CHCHD6: variants seen among roughly 807,000 people sequenced by gnomAD.
CHCHD6 encodes the protein coiled-coil-helix-coiled-coil-helix domain containing 6.
In CHCHD6, 28 loss-of-function variants were observed where a neutral mutation model predicts 32.3. The ratio of observed to expected loss-of-function variants is 0.87; its 90% CI spans 0.64 to 1.19. The LOEUF is 1.19. Among genes scored for constraint, CHCHD6 ranks in the 50% most tolerant of loss-of-function variants. CHCHD6 has a pLI of 0.00. For missense variants in CHCHD6, 333 were observed against 307.0 expected (o/e 1.08, Z -0.63); for synonymous variants, 122 against 117.5 (o/e 1.04, Z -0.25).
chr3:126,764,354 TG>T (rs1466640781), intron 4 of CHCHD6, among the ~76,000 whole-genome samples: 1 of 152,096 alleles, frequency 6.6e-6, no homozygotes, highest in Non-Finnish European at 1.5e-5. Flanking sequence ...ACCAGTCAGA[TG>T]CCCACGGGGT....
intron 4 of CHCHD6, among the ~76,000 whole-genome samples, chr3:126,775,194 G>C (rs1937614249): frequency 6.6e-6 from 1 of 152,148 alleles, no homozygotes; most frequent in African/African-American, 2.4e-5. Context: ...TCCTCCATAA[G>C]ACAGTAATTC....
chr3:126,886,375 CT>C (rs1256346851), intron 5 of CHCHD6, among the ~76,000 whole-genome samples: 2 of 152,190 alleles, frequency 1.3e-5, no homozygotes, highest in African/African-American at 4.8e-5. Context: ...GGATCTCCCC[CT>C]CTCCCCCTTC....
At chr3:126,791,590 G>C (rs1425696861) in intron 4 of CHCHD6, among the ~76,000 whole-genome samples, 1 of 152,230 alleles carries the variant, frequency 6.6e-6, no homozygotes, top group Non-Finnish European at 1.5e-5. Flanking sequence ...CTAACAATGA[G>C]CGAGGCTCCG....
intron 4 of CHCHD6, among the ~76,000 whole-genome samples, chr3:126,792,046 TTTCC>T (rs1205323634): frequency 2.2e-4 from 34 of 152,142 alleles, no homozygotes; most frequent in African/African-American, 6.5e-4. Flanking sequence ...ACATACAGAA[TTTCC>T]TTCCTTTTTA....
intron 6 of CHCHD6, chr3:126,935,245 T>A: frequency 1.4e-6 from 1 of 729,604 alleles, no homozygotes; most frequent in Non-Finnish European, 1.7e-6. Flanking sequence ...GTATCCCAGA[T>A]GTGGTGTTCC....
At chr3:126,884,152 C>T (rs865956508) in intron 5 of CHCHD6, among the ~76,000 whole-genome samples, 14 of 152,138 alleles carry the variant, frequency 9.2e-5, no homozygotes, top group South Asian at 8.3e-4. Flanking sequence ...TCCTAGTTCC[C>T]GCACTGGCCA....
In CHCHD6 at chr3:126,957,500, G is replaced by A. The variant is rs1200179517; in HGVS notation, c.651G>A (p.Leu217=). Residue 217 remains leucine (L), a synonymous_variant, in exon 7 of 8, where the codon CTG becomes CTA. Transcript: ENST00000290913. Reference sequence around the variant, plus strand: ...GAGATCGCCCGCATGAGGTGCTGCTGTGCTCGGACCTGGTCAAGGCATACC... The same window carrying A: ...GAGATCGCCCGCATGAGGTGCTGCTATGCTCGGACCTGGTCAAGGCATACC... ...CYRDRPHEVL[L]CSDLVKAYQR... 13 of 1,597,832 alleles carry A rather than the reference G, an allele frequency of 8.1e-6. No individual in the cohort carries two copies. Among genetic ancestry groups the A allele is most frequent in the Admixed American group, 3.4e-5 (2 of 58,028 alleles).
intron 4 of CHCHD6, among the ~76,000 whole-genome samples, chr3:126,753,957 G>A (rs975685141): frequency 6.6e-6 from 1 of 152,164 alleles, no homozygotes; most frequent in African/African-American, 2.4e-5. Flanking sequence ...TTGGGAAGGT[G>A]GTGTATAAAT....
chr3:126,783,149 A>G (rs1053082662), intron 4 of CHCHD6, among the ~76,000 whole-genome samples: 2 of 152,210 alleles, frequency 1.3e-5, no homozygotes, highest in Non-Finnish European at 2.9e-5. Context: ...AGTTCTACAT[A>G]TAAGTGAGAT....
chr3:126,842,243 A>T (rs7633071), intron 4 of CHCHD6, among the ~76,000 whole-genome samples: 20,577 of 151,816 alleles, frequency 0.14, 1,523 homozygotes, highest in South Asian at 0.3. Context: ...TCTTTTTTTT[A>T]AAAAAAAGAA....
chr3:126,918,308 T>C (rs544390697), intron 6 of CHCHD6, among the ~76,000 whole-genome samples: 2 of 152,310 alleles, frequency 1.3e-5, no homozygotes, highest in South Asian at 4.2e-4. Flanking sequence ...CAACTTTGAG[T>C]AAACTGCTTA....
intron 4 of CHCHD6, among the ~76,000 whole-genome samples, chr3:126,737,842 A>AGGGGC (rs148556801): frequency 0.024 from 3,725 of 152,064 alleles, 134 homozygotes; most frequent in African/African-American, 0.079. Flanking sequence ...GGGAGGCTAG[A>AGGGGC]GGGGCCCACA....
intron 1 of CHCHD6, among the ~76,000 whole-genome samples, chr3:126,719,217 T>C (rs925883640): frequency 6.6e-6 from 1 of 152,220 alleles, no homozygotes; most frequent in African/African-American, 2.4e-5. Flanking sequence ...CGGCCTTCTG[T>C]GGGGCCCTCG....
chr3:126,715,742 G>C (rs960161216), intron 1 of CHCHD6, among the ~76,000 whole-genome samples: 1 of 151,996 alleles, frequency 6.6e-6, no homozygotes, highest in Non-Finnish European at 1.5e-5. Flanking sequence ...CCTCATCCCT[G>C]TTACTTTAGG....
chr3:126,786,821 T>G (rs1217887799), intron 4 of CHCHD6, among the ~76,000 whole-genome samples: 4 of 152,136 alleles, frequency 2.6e-5, no homozygotes, highest in Non-Finnish European at 4.4e-5. Flanking sequence ...AGAAGCTCTT[T>G]AGTTTAATTA....
chr3:126,749,663 G>A (rs1936647047), intron 4 of CHCHD6, among the ~76,000 whole-genome samples: 1 of 152,206 alleles, frequency 6.6e-6, no homozygotes, highest in African/African-American at 2.4e-5. Flanking sequence ...GCAGCCTTGG[G>A]TGCAAACTGT....
intron 4 of CHCHD6, among the ~76,000 whole-genome samples, chr3:126,738,137 T>C (rs960408448): frequency 6.6e-6 from 1 of 152,172 alleles, no homozygotes. Flanking sequence ...CTCTTACTAT[T>C]TCATTCTCTT....
At chr3:126,775,775 G>A (rs545377366) in intron 4 of CHCHD6, among the ~76,000 whole-genome samples, 30 of 152,256 alleles carry the variant, frequency 2.0e-4, no homozygotes, top group African/African-American at 4.8e-4. Flanking sequence ...TTGCTTCTGC[G>A]GGTTTTGGAA....
chr3:126,939,233 T>TTTAAATAAAAAAAA (rs2078524865), intron 6 of CHCHD6, among the ~76,000 whole-genome samples: 1 of 152,056 alleles, frequency 6.6e-6, no homozygotes, highest in Admixed American at 6.6e-5. Flanking sequence ...GGGTTTTGAG[T>TTTAAATAAAAAAAA]GCCAGGGGTT....
Sources: allele counts gnomAD v4.1 joint callset (sites outside exome capture counted in the v4.1 genomes callset), GRCh38; gene constraint gnomAD v4.1.1; transcripts MANE v1.5; gene names NCBI Gene and HGNC (gene_info 2026-07-23, HGNC 2026-07-21).